Variants in CDK14 observed in about 807,000 individuals in gnomAD.
The protein encoded by CDK14 is cyclin dependent kinase 14.
A neutral mutation model predicts 60.7 loss-of-function variants in CDK14; 34 were observed. The observed-to-expected ratio is 0.56, with a 90% confidence interval of 0.43 to 0.75. The LOEUF (loss-of-function observed/expected upper bound fraction) is 0.75, where lower values mean the gene tolerates loss of function less well. CDK14 is among the 30% of genes least tolerant of loss of function. CDK14 has a pLI of 0.00. For missense variants in CDK14, 482 were observed against 564.1 expected (o/e 0.85, Z 1.47); for synonymous variants, 197 against 203.7 (o/e 0.97, Z 0.28).
In CDK14 at chr7:91,076,108, GA is replaced by G. The variant is rs199841706; in HGVS notation, c.1106-3315del. Among the ~76,000 whole-genome samples, 1,149 of 148,278 alleles carry G rather than the reference GA, an allele frequency of 7.7e-3. 18 individuals carry two copies. The highest frequency in any genetic ancestry group is 0.027 in the African/African-American group (1,084 of 40,546). The stretch of plus-strand genomic sequence containing the variant: ...ATCATTGACATTCCTCACAGAATTA[GA>G]AAAAAAAACTACTTTAAATTTTATA... On this transcript the variant is annotated intron_variant, in intron 11 of 14. Coordinates refer to ENST00000380050, the MANE Select transcript of CDK14 (RefSeq NM_001287135.2).
Position 90,722,130 on chromosome 7 carries a change from C to T in CDK14, c.124-4437C>T, listed in dbSNP as rs543465280. Among the ~76,000 whole-genome samples the T allele has an allele frequency of 9.3e-5, 14 of 151,248 alleles. No individual in the cohort carries two copies. The East Asian group carries it at 2.7e-3, about 30-fold the overall frequency. ...TCCCCTCTTACCCCTCTTCTCCCTT[C>T]TCCCCTCTTACCCCTCTTCCCCCTT... On this transcript the variant is annotated intron_variant, in intron 2 of 14. Coordinates refer to ENST00000380050, the MANE Select transcript of CDK14 (RefSeq NM_001287135.2).
intron 2 of CDK14, among the ~76,000 whole-genome samples, chr7:90,656,460 A>G (rs896960574): frequency 2.0e-5 from 3 of 151,454 alleles, no homozygotes; most frequent in African/African-American, 4.9e-5. Context: ...GCTCACTGCA[A>G]CCTTTGCCTC....
chr7:90,882,540 A>G (rs1791796696), intron 6 of CDK14, among the ~76,000 whole-genome samples: 1 of 152,198 alleles, frequency 6.6e-6, no homozygotes, highest in Non-Finnish European at 1.5e-5. Flanking sequence ...GATCAACAAG[A>G]CAGGAAATTA....
At chr7:90,834,328 T>A (rs1426811294) in intron 5 of CDK14, among the ~76,000 whole-genome samples, 1 of 152,240 alleles carries the variant, frequency 6.6e-6, no homozygotes, top group African/African-American at 2.4e-5. Flanking sequence ...ACATTTGTTT[T>A]GTTAAAACAA....
chr7:90,850,463 T>A (rs188311882), intron 5 of CDK14, among the ~76,000 whole-genome samples: 1 of 152,228 alleles, frequency 6.6e-6, no homozygotes, highest in Admixed American at 6.5e-5. Context: ...TATAATACTG[T>A]GACAGGACAA....
intron 12 of CDK14, among the ~76,000 whole-genome samples, chr7:91,084,802 C>T (rs1350953638): frequency 6.6e-6 from 1 of 152,202 alleles, no homozygotes; most frequent in East Asian, 1.9e-4. Flanking sequence ...TGCTTTTCAT[C>T]CTTTCAGATT....
At chr7:90,959,782 C>G (rs143451171) in intron 9 of CDK14, among the ~76,000 whole-genome samples, 43 of 152,262 alleles carry the variant, frequency 2.8e-4, no homozygotes, top group African/African-American at 9.9e-4. Context: ...GTCTCCAACA[C>G]TTGCAATGAA....
chr7:90,854,384 C>T (rs538068574), intron 5 of CDK14, among the ~76,000 whole-genome samples: 4 of 152,024 alleles, frequency 2.6e-5, no homozygotes, highest in African/African-American at 9.7e-5. Flanking sequence ...ACAACAACAA[C>T]AACAAAACAT....
At chr7:91,022,073 A>G (rs1796445752) in intron 10 of CDK14, among the ~76,000 whole-genome samples, 1 of 152,138 alleles carries the variant, frequency 6.6e-6, no homozygotes. Context: ...TCTTGCTGTT[A>G]TGGCTACCTG....
intron 10 of CDK14, 88 bp downstream of exon 10, chr7:90,984,329 A>C: frequency 1.2e-6 from 1 of 838,638 alleles, no homozygotes; most frequent in Non-Finnish European, 2.0e-6. Flanking sequence ...TGGAAAAATA[A>C]TTTAAAACAA....
chr7:90,725,644 A>G (rs1017825891), intron 2 of CDK14, among the ~76,000 whole-genome samples: 1 of 152,230 alleles, frequency 6.6e-6, no homozygotes, highest in Non-Finnish European at 1.5e-5. Flanking sequence ...AATTTTATTT[A>G]GAGTTATATT....
chr7:91,033,047 G>A (rs553298427), intron 10 of CDK14, among the ~76,000 whole-genome samples: 7 of 152,262 alleles, frequency 4.6e-5, no homozygotes, highest in Non-Finnish European at 4.4e-5. Flanking sequence ...AGCAATTTGG[G>A]CATGCCTATG....
chr7:90,849,495 A>G (rs566718703), intron 5 of CDK14, among the ~76,000 whole-genome samples: 42 of 152,102 alleles, frequency 2.8e-4, no homozygotes, highest in African/African-American at 9.4e-4. Flanking sequence ...AGGTTTTTAC[A>G]CATGACATTC....
At chr7:90,604,304 G>A (rs6465273) in intron 2 of CDK14, 55 bp downstream of exon 2, 354,055 of 1,117,180 alleles carry the variant, frequency 0.32, 57,638 homozygotes, top group Middle Eastern at 0.41. Context: ...ACCAGGTAAA[G>A]TCAGTAGCTG....
intron 13 of CDK14, among the ~76,000 whole-genome samples, chr7:91,113,577 A>G (rs1223643447): frequency 3.9e-5 from 6 of 152,144 alleles, no homozygotes; most frequent in African/African-American, 7.2e-5. Flanking sequence ...TATTTCTTCT[A>G]TACTCTTTTC....
intron 13 of CDK14, among the ~76,000 whole-genome samples, chr7:91,114,875 T>C (rs1256103403): frequency 6.6e-6 from 1 of 152,186 alleles, no homozygotes; most frequent in South Asian, 2.1e-4. Context: ...ATTCCCAGAC[T>C]TTGGAGACTT....
intron 3 of CDK14, among the ~76,000 whole-genome samples, chr7:90,736,846 C>T (rs544295928): frequency 3.3e-5 from 5 of 152,012 alleles, no homozygotes; most frequent in African/African-American, 4.8e-5. Context: ...CACATACAGG[C>T]CATTATATAT....
intron 2 of CDK14, among the ~76,000 whole-genome samples, chr7:90,659,345 C>CA (rs1267268488): frequency 3.0e-4 from 45 of 152,264 alleles, no homozygotes; most frequent in African/African-American, 9.9e-4. Flanking sequence ...AGCATTTTCG[C>CA]AGGCCTCATA....
intron 12 of CDK14, among the ~76,000 whole-genome samples, chr7:91,086,185 TTTGC>T (rs1798633233): frequency 6.6e-6 from 1 of 152,204 alleles, no homozygotes; most frequent in African/African-American, 2.4e-5. Context: ...GCTTTTTATT[TTTGC>T]TTCTCACCCC....
Sources: gnomAD v4.1 joint callset for allele counts (sites outside exome capture counted in the v4.1 genomes callset) on GRCh38, gnomAD v4.1.1 for gene constraint, MANE v1.5 for transcripts, NCBI Gene and HGNC (gene_info 2026-07-23, HGNC 2026-07-21) for gene names.